NEURL4: variants seen among roughly 807,000 people sequenced by gnomAD.
NEURL4 encodes the protein neuralized-like protein 4.
NEURL4 carries 45 observed loss-of-function variants against 148.0 expected under a neutral mutation model. That is an observed-to-expected ratio of 0.30 (90% CI 0.24 to 0.39). The LOEUF is 0.39. Ranked by LOEUF, NEURL4 falls within the 10% of genes least tolerant of loss-of-function variation. The pLI, the probability that NEURL4 is intolerant of heterozygous loss-of-function variation, is 1.00. For missense variants in NEURL4, 1,776 were observed against 2,144.0 expected (o/e 0.83, Z 3.39); for synonymous variants, 854 against 869.0 (o/e 0.98, Z 0.30).
In NEURL4 at chr17:7,321,596, C is replaced by G. The variant is rs749665436; in HGVS notation, c.3063G>C (p.Gln1021His). ...CTAGGTTCCGGCCATAGTTCATCCTCTGGAGCTGCCCATCACGCCTCACTT... is the reference window on the plus strand; with the variant it reads ...CTAGGTTCCGGCCATAGTTCATCCTGTGGAGCTGCCCATCACGCCTCACTT... ...SCEVRRDGQL[Q>H]RMNYGRNLER... Residue 1021 changes from glutamine to histidine, a missense_variant, in exon 18 of 29, where the codon CAG becomes CAC. By Grantham distance (24) the Gln-to-His change is conservative (BLOSUM62 0). Coordinates refer to ENST00000399464, the MANE Select transcript of NEURL4 (RefSeq NM_032442.3). The surrounding 1 kb of genome is among the most constrained non-coding windows in gnomAD (Gnocchi z 6.3). 1 of 1,614,144 alleles carries G rather than the reference C, an allele frequency of 6.2e-7. No homozygotes were observed. Among genetic ancestry groups the G allele is most frequent in the Admixed American group, 1.7e-5 (1 of 60,026 alleles).
Position 7,329,280 on chromosome 17 carries a change from A to T in NEURL4, c.33T>A (p.Ser11=). 1.8e-6 allele frequency: 1 copy of T among 565,422 alleles called. No homozygotes were observed. The allele number at this position is 565,422 out of a possible 1,614,324, so 35.0% of individuals were successfully genotyped here. Residue 11 remains serine (S), a synonymous_variant, in exon 1 of 29, where the codon TCT becomes TCA. Coordinates refer to ENST00000399464, the MANE Select transcript of NEURL4 (RefSeq NM_032442.3). ...CCGGCCCCGGTCCAGGGCCTCCCCC[A>T]GAGCCCCCACTCCCACCCGACCCTG... MAAGSGGSGG[S]GGGPGPGPGG...
At position 7,317,579 on chromosome 17, in the gene NEURL4, A is replaced by AGGTG; in HGVS notation, c.4206-10_4206-7dup. ...CCTCCAGGCGGGGATTCACTCTAGG[A>AGGTG]GGTGGACAAGCGGGGCAGATACAAC... On this transcript the variant is annotated splice_polypyrimidine_tract_variant and splice_region_variant and intron_variant, in intron 26 of 28. Coordinates refer to ENST00000399464, the MANE Select transcript of NEURL4 (RefSeq NM_032442.3). 6.2e-7 allele frequency: 1 copy of AGGTG among 1,613,416 alleles called. No individual in the cohort carries two copies.
At chr17:7,325,007 G>A in intron 8 of NEURL4, 27 bp from the exon 9 acceptor site, 3 of 1,612,054 alleles carry the variant, frequency 1.9e-6, no homozygotes, top group East Asian at 4.5e-5. Flanking sequence ...TGGAGAGTCA[G>A]ATCCCCAACA....
chr17:7,326,542 T>A lies in NEURL4; in HGVS notation c.1099A>T (p.Ile367Phe). Residue 367 changes from isoleucine to phenylalanine, a missense_variant, in exon 5 of 29, where the codon ATC becomes TTC. By Grantham distance (21) the Ile-to-Phe change is conservative (BLOSUM62 0). Transcript: ENST00000399464. The surrounding 1 kb of genome is among the most constrained non-coding windows in gnomAD (Gnocchi z 6.0). ...LRDNEMFEIR[I>F]DKLVDKWSGS... Reference sequence around the variant, plus strand: ...GACCACTTATCAACAAGCTTGTCGATACGGATCTGGCATTGAGGGACAGAA... The same window carrying A: ...GACCACTTATCAACAAGCTTGTCGAAACGGATCTGGCATTGAGGGACAGAA... 1.2e-6 allele frequency: 2 copies of A among 1,614,072 alleles called. No homozygotes were observed. Among genetic ancestry groups the A allele is most frequent in the Non-Finnish European group, 8.5e-7 (1 of 1,179,980 alleles).
rs1283792917 is a variant in NEURL4 at position 7,324,401 on chromosome 17, G to A, written c.1893C>T (p.Arg631=). The A allele has an allele frequency of 1.2e-6, 2 of 1,614,132 alleles. No homozygotes were observed. Among genetic ancestry groups the A allele is most frequent in the African/African-American group, 1.3e-5 (1 of 75,046 alleles). ...ILDEYGHNLD[R]LKAGDTVGVV... is the part of the protein sequence containing the mutation. ...GGCGCACCCACTTTCCCACCTTGAGGCGGTCCAGATTGTGCCCGTATTCAT... is the reference window on the plus strand; with the variant it reads ...GGCGCACCCACTTTCCCACCTTGAGACGGTCCAGATTGTGCCCGTATTCAT... The change falls in exon 10 of 29, where the codon CGC becomes CGT. Residue 631 remains arginine, a synonymous_variant. Coordinates refer to ENST00000399464, the MANE Select transcript of NEURL4 (RefSeq NM_032442.3). This position sits in a 1 kb window ranked among gnomAD's most constrained non-coding sequence, Gnocchi z 5.9.
rs2143011013 is a variant in NEURL4, at chr17:7,316,274, A to G, written c.4538T>C (p.Val1513Ala). 2 of 1,613,392 alleles carry G rather than the reference A, an allele frequency of 1.2e-6. No homozygotes were observed. The highest frequency in any genetic ancestry group is 2.2e-5 in the South Asian group (2 of 91,042). Residue 1513 changes from valine (V) to alanine (A), a missense_variant, in exon 29 of 29, where the codon GTG (valine) becomes GCG (alanine). Val to Ala is a moderately conservative substitution (Grantham distance 64). Coordinates refer to ENST00000399464, the MANE Select transcript of NEURL4 (RefSeq NM_032442.3). ...RTHQAQVAFQVCVRPGSYTPG... is the reference protein window; with the variant it reads ...RTHQAQVAFQACVRPGSYTPG... The stretch of plus-strand genomic sequence containing the variant: ...GGTGTAGGAGCCAGGGCGCACACAC[A>G]CCTGGAACGCCACCTGAGCCTGGTG...
At position 7,320,634 on chromosome 17, in the gene NEURL4, A is replaced by T. The variant is rs189922739; in HGVS notation, c.3525+125T>A. 8.4e-4 allele frequency: 677 copies of T among 809,838 alleles called. No individual in the cohort carries two copies. The Middle Eastern group carries it at 0.012, about 15-fold the overall frequency. The allele number at this position is 809,838 out of a possible 1,614,324, so 50.2% of individuals were successfully genotyped here. A position where few individuals can be genotyped will look rare whatever the true frequency, so the allele number is the denominator to read the frequency against. The stretch of plus-strand genomic sequence containing the variant: ...ACCCTCATTACAGGCTATGAATAAA[A>T]GCCTAGGAAGCTCATCCAAGTGGCT... On this transcript the variant is annotated intron_variant, in intron 21 of 28. Transcript: ENST00000399464.
rs1567624355 is a variant in NEURL4 at position 7,329,239 on chromosome 17, G to GGT, written c.73_74insAC (p.Pro25HisfsTer29). On this transcript the variant is annotated frameshift_variant, in exon 1 of 29. Coordinates refer to ENST00000399464, the MANE Select transcript of NEURL4 (RefSeq NM_032442.3). LOFTEE classifies it high-confidence loss of function. ...CCCCGGTCCTGAGCCGCTCCCGCTG[G>GGT]GGCCCCCACCCCCGCCCGGCCCCGG... 1 of 1,506,704 alleles carries GGT rather than the reference G, an allele frequency of 6.6e-7. No individual in the cohort carries two copies. The highest frequency in any genetic ancestry group is 8.8e-7 in the Non-Finnish European group (1 of 1,134,430). The allele number at this position is 1,506,704 out of a possible 1,614,324, so 93.3% of individuals were successfully genotyped here.
Position 7,318,449 on chromosome 17 carries a change from C to G in NEURL4, c.3864+46G>C. Reference sequence around the variant, plus strand: ...CAGAGATTTCCCCTGTCCTGGACAGCGCAGACTCTCAGGCACCCCTCCTCC... The same window carrying G: ...CAGAGATTTCCCCTGTCCTGGACAGGGCAGACTCTCAGGCACCCCTCCTCC... On this transcript the variant is annotated intron_variant, in intron 23 of 28. Coordinates refer to ENST00000399464, the MANE Select transcript of NEURL4 (RefSeq NM_032442.3). The surrounding 1 kb of genome is among the most constrained non-coding windows in gnomAD (Gnocchi z 4.3). The G allele has an allele frequency of 6.2e-7, 1 of 1,604,490 alleles. No homozygotes were observed. The highest frequency in any genetic ancestry group is 8.5e-7 in the Non-Finnish European group (1 of 1,173,642).
At chr17:7,320,053 A>C (rs1342904302) in intron 21 of NEURL4, among the ~76,000 whole-genome samples, 1 of 149,240 alleles carries the variant, frequency 6.7e-6, no homozygotes, top group African/African-American at 2.5e-5. Flanking sequence ...GATGGTCTTG[A>C]TCTCCTGATC....
chr17:7,324,912 T>C lies in NEURL4; in HGVS notation c.1700A>G (p.Gln567Arg), dbSNP rs1268310362. The change falls in exon 9 of 29, where the codon CAG becomes CGG. Residue 567 changes from glutamine to arginine, a missense_variant. Transcript: ENST00000399464. The surrounding 1 kb of genome is among the most constrained non-coding windows in gnomAD (Gnocchi z 5.9). Reference protein sequence around the residue: ...SRALRDGEVFQVRIDKMVDKW... With the variant: ...SRALRDGEVFRVRIDKMVDKW... ...GTCCACCATCTTGTCGATGCGCACC[T>C]GGAACACCTCTCCATCCCGCAGGGC... The C allele has an allele frequency of 6.2e-7, 1 of 1,614,166 alleles. No individual in the cohort carries two copies. Among genetic ancestry groups the C allele is most frequent in the East Asian group, 2.2e-5 (1 of 44,882 alleles).
chr17:7,326,555 T>C lies in NEURL4; in HGVS notation c.1093-7A>G. ...CAAGCTTGTCGATACGGATCTGGCA[T>C]TGAGGGACAGAAGGGAGAAGCAGGG... is the stretch of plus-strand genomic sequence containing the variant. On this transcript the variant is annotated splice_polypyrimidine_tract_variant and splice_region_variant and intron_variant, in intron 4 of 28. Coordinates refer to ENST00000399464, the MANE Select transcript of NEURL4 (RefSeq NM_032442.3). This position sits in a 1 kb window ranked among gnomAD's most constrained non-coding sequence, Gnocchi z 6.0. 6.2e-7 allele frequency: 1 copy of C among 1,613,490 alleles called. No individual in the cohort carries two copies. Among genetic ancestry groups the C allele is most frequent in the Non-Finnish European group, 8.5e-7 (1 of 1,179,530 alleles).
chr17:7,321,360 C>A lies in NEURL4; in HGVS notation c.3198+1G>T. On this transcript the variant is annotated splice_donor_variant, in intron 19 of 28. Coordinates refer to ENST00000399464, the MANE Select transcript of NEURL4 (RefSeq NM_032442.3). LOFTEE classifies it high-confidence loss of function. The surrounding 1 kb of genome is among the most constrained non-coding windows in gnomAD (Gnocchi z 6.3). Reference sequence around the variant, plus strand: ...GAACCCAAGGAAGCGTTCAGGTCTACCTTGGCAATGCCAGTGGCTGCAGGC... The same window carrying A: ...GAACCCAAGGAAGCGTTCAGGTCTAACTTGGCAATGCCAGTGGCTGCAGGC... The A allele has an allele frequency of 6.2e-7, 1 of 1,614,086 alleles. No homozygotes were observed. Among genetic ancestry groups the A allele is most frequent in the Non-Finnish European group, 8.5e-7 (1 of 1,180,008 alleles).
At chr17:7,319,742 G>A (rs1477948152) in intron 21 of NEURL4, among the ~76,000 whole-genome samples, 3 of 141,242 alleles carry the variant, frequency 2.1e-5, no homozygotes, top group African/African-American at 7.4e-5. Context: ...AAAACATGCT[G>A]TTTGAGCCTT....
Position 7,323,675 on chromosome 17 carries a change from C to T in NEURL4, c.2310G>A (p.Val770=). The T allele has an allele frequency of 6.2e-7, 1 of 1,613,780 alleles. No homozygotes were observed. The highest frequency in any genetic ancestry group is 8.5e-7 in the Non-Finnish European group (1 of 1,179,820). ...ELFEIVIQKM[V]DRWSGSIEAG... is the part of the protein sequence containing the mutation. ...CCTCAATGGAGCCTGACCAGCGGTC[C>T]ACCATCTTCTGAATGACAATTTCAA... Residue 770 remains valine, a synonymous_variant, in exon 13 of 29, where the codon GTG becomes GTA. Transcript: ENST00000399464.
rs1158634196 is a variant in NEURL4, at chr17:7,321,172, G to T, written c.3300C>A (p.Pro1100=). 1 of 1,613,824 alleles carries T rather than the reference G, an allele frequency of 6.2e-7. No individual in the cohort carries two copies. Among genetic ancestry groups the T allele is most frequent in the African/African-American group, 1.3e-5 (1 of 74,900 alleles). Reference sequence around the variant, plus strand: ...CGCCCTCACTGCCGGTGTCTGAACTGGGGGAAGGAGGCTGGGTGCCTTCTG... The same window carrying T: ...CGCCCTCACTGCCGGTGTCTGAACTTGGGGAAGGAGGCTGGGTGCCTTCTG... The part of the protein sequence containing the change: ...EESEGTQPPS[P]SSDTGSEGEE... The change falls in exon 20 of 29, where the codon CCC becomes CCA. Residue 1100 remains proline (P), a synonymous_variant. Transcript: ENST00000399464. The surrounding 1 kb of genome is among the most constrained non-coding windows in gnomAD (Gnocchi z 6.3).
In NEURL4 at chr17:7,316,114, T is replaced by A. The variant is rs775258861; in HGVS notation, c.*9A>T. 2 of 1,382,158 alleles carry A rather than the reference T, an allele frequency of 1.4e-6. No homozygotes were observed. The highest frequency in any genetic ancestry group is 2.3e-5 in the South Asian group (2 of 86,494). 85.6% of individuals were successfully genotyped at this position (1,382,158 alleles called of 1,614,324 possible). A position where few individuals can be genotyped will look rare whatever the true frequency, so the allele number is the denominator to read the frequency against. On this transcript the variant is annotated 3_prime_UTR_variant, in exon 29 of 29. Coordinates refer to ENST00000399464, the MANE Select transcript of NEURL4 (RefSeq NM_032442.3). ...CCCGACTGTGCTTGTAGTAGTGGTG[T>A]CTCACCCCTCATTCCACCCGTACCA...
At chr17:7,323,789 G>T in intron 12 of NEURL4, 25 bp downstream of exon 12, 1 of 1,614,054 alleles carries the variant, frequency 6.2e-7, no homozygotes, top group Non-Finnish European at 8.5e-7. Context: ...GAGGAAGGTG[G>T]GGACATGAAA....
Position 7,327,105 on chromosome 17 carries a change from G to A in NEURL4, c.793+60C>T. 6 of 1,600,010 alleles carry A rather than the reference G, an allele frequency of 3.7e-6. No homozygotes were observed. Among genetic ancestry groups the A allele is most frequent in the Non-Finnish European group, 5.1e-6 (6 of 1,172,982 alleles). On this transcript the variant is annotated intron_variant, in intron 3 of 28. Transcript: ENST00000399464. The surrounding 1 kb of genome is among the most constrained non-coding windows in gnomAD (Gnocchi z 6.6). The stretch of plus-strand genomic sequence containing the variant: ...TCTCTCCCTACCCCTTCTCCTGAGG[G>A]CCCTCCCTTGTCCACCTCACTTCCC...
Sources: gnomAD v4.1 joint callset for allele counts (sites outside exome capture counted in the v4.1 genomes callset) on GRCh38, gnomAD v4.1.1 for gene constraint, Gnocchi (gnomAD v3.1) non-coding constraint, MANE v1.5 for transcripts, NCBI Gene and HGNC (gene_info 2026-07-23, HGNC 2026-07-21) for gene names.